Variants in PDE1C observed in about 807,000 individuals in gnomAD.
PDE1C encodes dual specificity calcium/calmodulin-dependent 3',5'-cyclic nucleotide phosphodiesterase 1C.
PDE1C carries 62 observed loss-of-function variants against 93.1 expected under a neutral mutation model. The observed-to-expected ratio is 0.67, with a 90% CI of 0.54 to 0.82. The LOEUF (loss-of-function observed/expected upper bound fraction) is 0.82, where lower values mean the gene tolerates loss of function less well. Ranked by LOEUF, PDE1C falls within the 40% of genes least tolerant of loss-of-function variation. PDE1C has a pLI of 0.00. For missense variants in PDE1C, 742 were observed against 884.6 expected (o/e 0.84, Z 2.04); for synonymous variants, 325 against 310.1 (o/e 1.05, Z -0.50).
chr7:32,274,089 T>C (rs1811135493), intron 1 of PDE1C, among the ~76,000 whole-genome samples: 1 of 152,122 alleles, frequency 6.6e-6, no homozygotes, highest in Non-Finnish European at 1.5e-5. Context: ...CTAGAAGGGG[T>C]CTTAGAAACA....
intron 3 of PDE1C, among the ~76,000 whole-genome samples, chr7:32,149,130 A>G (rs924094250): frequency 6.6e-6 from 1 of 152,214 alleles, no homozygotes; most frequent in Admixed American, 6.5e-5. Context: ...AACACTGCAG[A>G]GTACCCAAAG....
intron 2 of PDE1C, among the ~76,000 whole-genome samples, chr7:31,937,237 T>C (rs943723400): frequency 3.3e-5 from 5 of 152,272 alleles, no homozygotes; most frequent in African/African-American, 4.8e-5. Context: ...AGAGTCTCTA[T>C]AGAACGCAAA....
chr7:32,361,198 A>G (rs776959679), intron 1 of PDE1C, among the ~76,000 whole-genome samples: 7 of 152,196 alleles, frequency 4.6e-5, no homozygotes, highest in Admixed American at 1.3e-4. Flanking sequence ...CACAGGTAGT[A>G]GGAGCTCAAG....
chr7:31,885,776 T>C (rs80159722), intron 2 of PDE1C, among the ~76,000 whole-genome samples: 3,228 of 152,308 alleles, frequency 0.021, 54 homozygotes, highest in African/African-American at 0.042. Flanking sequence ...GGTTCAACTT[T>C]ATAATTTAGA....
intron 3 of PDE1C, among the ~76,000 whole-genome samples, chr7:32,120,633 C>T (rs1273074855): frequency 3.3e-5 from 5 of 152,094 alleles, no homozygotes; most frequent in Admixed American, 6.5e-5. Flanking sequence ...GACAGCAGCC[C>T]TCCAGAAGCG....
chr7:31,898,454 T>A (rs1228788993), intron 2 of PDE1C, among the ~76,000 whole-genome samples: 1 of 151,774 alleles, frequency 6.6e-6, no homozygotes, highest in Admixed American at 6.5e-5. Context: ...TAAGAGTTTT[T>A]CTCTGATATA....
At chr7:32,107,749 A>G (rs1798404035) in intron 3 of PDE1C, among the ~76,000 whole-genome samples, 1 of 152,194 alleles carries the variant, frequency 6.6e-6, no homozygotes, top group Non-Finnish European at 1.5e-5. Flanking sequence ...TGAAGACGAG[A>G]TAAAATCTTT....
At chr7:32,211,814 G>A (rs369574099) in intron 1 of PDE1C, among the ~76,000 whole-genome samples, 16 of 152,054 alleles carry the variant, frequency 1.1e-4, no homozygotes, top group African/African-American at 3.1e-4. Context: ...TTGAGCTCCC[G>A]AGTTTGAGAC....
intron 3 of PDE1C, among the ~76,000 whole-genome samples, chr7:32,094,021 C>T (rs929583231): frequency 1.2e-4 from 18 of 152,230 alleles, no homozygotes; most frequent in African/African-American, 4.3e-4. Flanking sequence ...CCTCCTTCTC[C>T]AGCAGGAATG....
intron 1 of PDE1C, among the ~76,000 whole-genome samples, chr7:32,260,830 T>G (rs985146962): frequency 6.6e-6 from 1 of 152,188 alleles, no homozygotes; most frequent in Non-Finnish European, 1.5e-5. Flanking sequence ...AGCTACAAGA[T>G]TAGAAATTGG....
chr7:31,782,981 T>C (rs1403677230), intron 16 of PDE1C, among the ~76,000 whole-genome samples: 2 of 152,220 alleles, frequency 1.3e-5, no homozygotes, highest in Non-Finnish European at 2.9e-5. Flanking sequence ...ATTAAATGCA[T>C]TTTCGACTTA....
intron 2 of PDE1C, among the ~76,000 whole-genome samples, chr7:31,934,711 TCTC>T (rs2128987923): frequency 6.6e-6 from 1 of 152,282 alleles, no homozygotes; most frequent in South Asian, 2.1e-4. Flanking sequence ...GGAAGGGTAA[TCTC>T]CTCTTATGCC....
At chr7:32,113,508 T>G (rs1429371893) in intron 3 of PDE1C, among the ~76,000 whole-genome samples, 2 of 151,478 alleles carry the variant, frequency 1.3e-5, no homozygotes, top group African/African-American at 2.4e-5. Flanking sequence ...TATTTCTAAT[T>G]TTATGAGATT....
At chr7:32,195,648 T>G (rs1804557744) in intron 2 of PDE1C, among the ~76,000 whole-genome samples, 1 of 152,168 alleles carries the variant, frequency 6.6e-6, no homozygotes, top group South Asian at 2.1e-4. Context: ...GCGCAGGAGT[T>G]CAAAACCAGC....
intron 2 of PDE1C, among the ~76,000 whole-genome samples, chr7:31,882,078 G>A (rs908969251): frequency 6.6e-6 from 1 of 152,030 alleles, no homozygotes; most frequent in African/African-American, 2.4e-5. Context: ...CCACAATAAA[G>A]AATGAGAAAA....
intron 3 of PDE1C, among the ~76,000 whole-genome samples, chr7:32,133,948 TTATAAA>T (rs1452851204): frequency 6.6e-6 from 1 of 151,702 alleles, no homozygotes; most frequent in Non-Finnish European, 1.5e-5. Context: ...TATTTATATC[TTATAAA>T]TATAAAAAGA....
chr7:32,000,217 C>T (rs925520681), intron 2 of PDE1C, among the ~76,000 whole-genome samples: 1 of 152,140 alleles, frequency 6.6e-6, no homozygotes, highest in East Asian at 1.9e-4. Context: ...CAGATTTCCT[C>T]ATCTGTAAAA....
chr7:32,265,162 T>TTGTGC (rs111972205), intron 1 of PDE1C, among the ~76,000 whole-genome samples: 15 of 152,350 alleles, frequency 9.8e-5, no homozygotes, highest in African/African-American at 3.6e-4. Flanking sequence ...CACTAGCACC[T>TTGTGC]TGTGCTGTCT....
chr7:31,800,152 A>G (rs562525834), intron 16 of PDE1C, among the ~76,000 whole-genome samples: 1 of 151,734 alleles, frequency 6.6e-6, no homozygotes, highest in African/African-American at 2.4e-5. Flanking sequence ...GAGTATCTAT[A>G]TTTAATGAAT....
Sources: allele counts gnomAD v4.1 joint callset (sites outside exome capture counted in the v4.1 genomes callset), GRCh38; gene constraint gnomAD v4.1.1; transcripts MANE v1.5; gene names NCBI Gene and HGNC (gene_info 2026-07-23, HGNC 2026-07-21).